The following GPC5 variants were observed in gnomAD, a reference collection of about 807,000 sequenced individuals.
The protein encoded by GPC5 is glypican 5, also known as glypican-5.
A neutral mutation model predicts 53.9 loss-of-function variants in GPC5; 47 were observed. The ratio of observed to expected loss-of-function variants is 0.87; its 90% CI spans 0.69 to 1.11. GPC5 has a LOEUF of 1.11. Among genes scored for constraint, GPC5 ranks in the 50% most tolerant of loss-of-function variants. GPC5 has a pLI of 0.00. For missense variants in GPC5, 748 were observed against 713.1 expected (o/e 1.05, Z -0.56); for synonymous variants, 286 against 263.3 (o/e 1.09, Z -0.84).
At position 92,386,931 on chromosome 13, in the gene GPC5, T is replaced by C. The variant is rs116983236; in HGVS notation, c.1561+241942T>C. 3.8e-3 allele frequency among the ~76,000 whole-genome samples: 582 copies of C among 152,212 alleles called. 3 individuals carry two copies. Among genetic ancestry groups the C allele is most frequent in the Middle Eastern group, 0.014 (4 of 294 alleles). ...ACATCCAAATTTGAGCTTGAACATT[T>C]TGCTAACTCTTTTGGAATTCAATTT... On this transcript the variant is annotated intron_variant, in intron 7 of 7. Coordinates refer to ENST00000377067, the MANE Select transcript of GPC5 (RefSeq NM_004466.6).
intron 7 of GPC5, among the ~76,000 whole-genome samples, chr13:92,298,391 T>C (rs572390780): frequency 6.6e-6 from 1 of 152,236 alleles, no homozygotes; most frequent in South Asian, 2.1e-4. Flanking sequence ...GAGGTTTCCT[T>C]CTCCCTGTGG....
At chr13:91,823,117 A>G (rs1413202579) in intron 5 of GPC5, among the ~76,000 whole-genome samples, 1 of 152,124 alleles carries the variant, frequency 6.6e-6, no homozygotes, top group African/African-American at 2.4e-5. Context: ...GAACCAATAA[A>G]GTATGTATTA....
In GPC5 at chr13:91,862,525, G is replaced by A. The variant is rs187225672; in HGVS notation, c.1281-45412G>A. On this transcript the variant is annotated intron_variant, in intron 5 of 7. Coordinates refer to ENST00000377067, the MANE Select transcript of GPC5 (RefSeq NM_004466.6). ...AATGCCCACAACGAAGAATTATATG[G>A]CCCAAATGTCAAAAGCGGTAGTGCC... 2.0e-5 allele frequency among the ~76,000 whole-genome samples: 3 copies of A among 152,194 alleles called. No individual in the cohort carries two copies. The East Asian group carries it at 5.8e-4, about 29-fold the overall frequency.
chr13:92,294,826 C>CTTTTTTTTTTTTTTTTTTTTTTCT (rs147963724), intron 7 of GPC5, among the ~76,000 whole-genome samples: 1 of 99,000 alleles, frequency 1.0e-5, no homozygotes, highest in Non-Finnish European at 1.9e-5. Context: ...TTTTTTTTTT[C>CTTTTTTTTTTTTTTTTTTTTTTCT]TTTTTTTTTT....
intron 7 of GPC5, among the ~76,000 whole-genome samples, chr13:92,317,109 A>G (rs1363784435): frequency 6.6e-6 from 1 of 152,144 alleles, no homozygotes; most frequent in Non-Finnish European, 1.5e-5. Context: ...TTACATTGTT[A>G]TTTTGACCAA....
At chr13:92,320,726 G>C (rs2043210179) in intron 7 of GPC5, among the ~76,000 whole-genome samples, 1 of 152,082 alleles carries the variant, frequency 6.6e-6, no homozygotes, top group African/African-American at 2.4e-5. Context: ...TGCCAAATCT[G>C]ATTAACAACT....
At chr13:91,903,579 T>C (rs902424627) in intron 5 of GPC5, among the ~76,000 whole-genome samples, 25 of 152,298 alleles carry the variant, frequency 1.6e-4, no homozygotes, top group African/African-American at 5.8e-4. Flanking sequence ...TCAATTGTGG[T>C]TATTTTGAAC....
intron 7 of GPC5, among the ~76,000 whole-genome samples, chr13:92,773,895 G>T (rs963999678): frequency 1.3e-5 from 2 of 152,188 alleles, no homozygotes; most frequent in African/African-American, 4.8e-5. Context: ...GTCTGAGGAG[G>T]CCTCACCATC....
intron 7 of GPC5, among the ~76,000 whole-genome samples, chr13:92,303,380 T>C (rs1314931173): frequency 6.6e-6 from 1 of 152,128 alleles, no homozygotes; most frequent in Admixed American, 6.5e-5. Flanking sequence ...GAATGTCTCA[T>C]TCTGAAATAG....
intron 5 of GPC5, among the ~76,000 whole-genome samples, chr13:91,805,518 C>T (rs185805573): frequency 6.6e-6 from 1 of 152,112 alleles, no homozygotes; most frequent in Non-Finnish European, 1.5e-5. Flanking sequence ...TATCTCGCAA[C>T]ACACAAGACG....
At chr13:92,719,841 A>G (rs935800977) in intron 7 of GPC5, 1 of 152,182 alleles carries the variant, frequency 6.6e-6, no homozygotes, top group Non-Finnish European at 1.5e-5. Context: ...TACTAGCACT[A>G]GTACAGGGAT....
rs71272284 is a variant in GPC5, at chr13:92,692,754, A to ATTTTTTTTTTTTTTTTTTTTTT, written c.1562-173527_1562-173506dup. The stretch of plus-strand genomic sequence containing the variant: ...CTCCAAAGCCTCACCAATATCGGCT[A>ATTTTTTTTTTTTTTTTTTTTTT]TTTTTTTTTTTTTTTTTTTTTTACA... On this transcript the variant is annotated intron_variant, in intron 7 of 7. Coordinates refer to ENST00000377067, the MANE Select transcript of GPC5 (RefSeq NM_004466.6). 9.9e-4 allele frequency among the ~76,000 whole-genome samples: 80 copies of ATTTTTTTTTTTTTTTTTTTTTT among 81,012 alleles called. 7 individuals carry two copies. Among genetic ancestry groups the ATTTTTTTTTTTTTTTTTTTTTT allele is most frequent in the Admixed American group, 4.4e-3 (21 of 4,798 alleles). The allele number at this position is 81,012 out of a possible 152,430, so 53.1% of individuals were successfully genotyped here. A position where few individuals can be genotyped will look rare whatever the true frequency, so the allele number is the denominator to read the frequency against.
chr13:92,438,240 G>T lies in GPC5; in HGVS notation c.1561+293251G>T, dbSNP rs536749017. 3.3e-3 allele frequency among the ~76,000 whole-genome samples: 501 copies of T among 151,936 alleles called. 4 individuals are homozygous for T. The highest frequency in any genetic ancestry group is 0.012 in the African/African-American group (479 of 41,462). Reference sequence around the variant, plus strand: ...ATCATGTACCTATGAACACATAAATGGAGAACCAACCCAATCTACAATGTT... The same window carrying T: ...ATCATGTACCTATGAACACATAAATTGAGAACCAACCCAATCTACAATGTT... On this transcript the variant is annotated intron_variant, in intron 7 of 7. Coordinates refer to ENST00000377067, the MANE Select transcript of GPC5 (RefSeq NM_004466.6).
At chr13:92,265,257 T>C (rs1482100663) in intron 7 of GPC5, among the ~76,000 whole-genome samples, 1 of 152,080 alleles carries the variant, frequency 6.6e-6, no homozygotes, top group East Asian at 1.9e-4. Flanking sequence ...ATTTATAAAT[T>C]CCATCTTTAA....
In GPC5 at chr13:91,525,448, C is replaced by T. The variant is rs117913807; in HGVS notation, c.325+76526C>T. On this transcript the variant is annotated intron_variant, in intron 2 of 7. Transcript: ENST00000377067. Reference sequence around the variant, plus strand: ...AGTGATTAATTATGTTCAATATTAGCACCAGCAAAATTTATGCTTCTGAAA... The same window carrying T: ...AGTGATTAATTATGTTCAATATTAGTACCAGCAAAATTTATGCTTCTGAAA... 2.5e-3 allele frequency among the ~76,000 whole-genome samples: 387 copies of T among 152,248 alleles called. 2 individuals are homozygous for T. The highest frequency in any genetic ancestry group is 3.7e-3 in the Non-Finnish European group (254 of 68,030).
intron 7 of GPC5, among the ~76,000 whole-genome samples, chr13:92,528,562 A>C (rs1473502706): frequency 6.6e-6 from 1 of 151,990 alleles, no homozygotes; most frequent in Admixed American, 6.6e-5. Context: ...ACCTATCAAA[A>C]TTTAAGTGAT....
At chr13:92,795,176 A>G (rs1194985564) in intron 7 of GPC5, among the ~76,000 whole-genome samples, 3 of 152,004 alleles carry the variant, frequency 2.0e-5, no homozygotes, top group Non-Finnish European at 4.4e-5. Context: ...GGTACTGGTA[A>G]CAAAACAGAT....
At chr13:92,748,781 C>A (rs1023783864) in intron 7 of GPC5, among the ~76,000 whole-genome samples, 13 of 151,872 alleles carry the variant, frequency 8.6e-5, no homozygotes, top group African/African-American at 3.1e-4. Flanking sequence ...CCTTTTTCTG[C>A]ATTACATTTA....
chr13:92,679,830 T>C (rs1382434016), intron 7 of GPC5, among the ~76,000 whole-genome samples: 1 of 152,116 alleles, frequency 6.6e-6, no homozygotes, highest in Non-Finnish European at 1.5e-5. Flanking sequence ...TCTCTCTCGC[T>C]CGCGTGCGTG....
Sources: allele counts gnomAD v4.1 joint callset (sites outside exome capture counted in the v4.1 genomes callset), GRCh38; gene constraint gnomAD v4.1.1; transcripts MANE v1.5; gene names NCBI Gene and HGNC (gene_info 2026-07-23, HGNC 2026-07-21).